The following ALK variants were observed in gnomAD, a reference collection of about 807,000 sequenced individuals.
The protein encoded by ALK is ALK receptor tyrosine kinase.
A neutral mutation model predicts 163.1 loss-of-function variants in ALK; 74 were observed. That is an observed-to-expected ratio of 0.45 (90% confidence interval 0.38 to 0.55). ALK has a LOEUF of 0.55. ALK is among the 20% of genes least tolerant of loss of function. The pLI, the probability that ALK is intolerant of heterozygous loss-of-function variation, is 0.00. For missense variants in ALK, 2,063 were observed against 2,105.3 expected, an observed-to-expected ratio of 0.98 and a Z score of 0.39; for synonymous variants, 960 against 843.2, an observed-to-expected ratio of 1.14 and a Z score of -2.40.
intron 1 of ALK, 96 bp from the exon 2 acceptor site, chr2:29,717,793 C>A (rs890669958): frequency 6.5e-7 from 1 of 1,534,246 alleles, no homozygotes; most frequent in Non-Finnish European, 9.0e-7. Flanking sequence ...TTATAAGGGG[C>A]TTTCATGACA....
intron 3 of ALK, among the ~76,000 whole-genome samples, chr2:29,678,212 T>A (rs975688120): frequency 1.1e-4 from 16 of 151,984 alleles, no homozygotes; most frequent in African/African-American, 3.9e-4. Context: ...TTAATCTGAA[T>A]AAAAGGTTTA....
At chr2:29,419,319 G>C (rs148553497) in intron 4 of ALK, among the ~76,000 whole-genome samples, 3 of 151,408 alleles carry the variant, frequency 2.0e-5, no homozygotes, top group Non-Finnish European at 4.4e-5. Context: ...TTCCCAAAGC[G>C]CTGGGATTAC....
intron 8 of ALK, among the ~76,000 whole-genome samples, chr2:29,300,118 A>C (rs1178102413): frequency 6.6e-6 from 1 of 152,194 alleles, no homozygotes; most frequent in East Asian, 1.9e-4. Context: ...GAGGAGAACC[A>C]TGTATAGGGG....
chr2:29,674,911 A>AT (rs1271989691), intron 3 of ALK, among the ~76,000 whole-genome samples: 13 of 122,408 alleles, frequency 1.1e-4, no homozygotes, highest in African/African-American at 4.1e-4. Context: ...GGGAGAGTGT[A>AT]TGTGTCGAGG....
intron 20 of ALK, 59 bp downstream of exon 20, chr2:29,223,283 A>G (rs2148170426): frequency 1.9e-6 from 3 of 1,586,674 alleles, no homozygotes; most frequent in Non-Finnish European, 2.6e-6. Flanking sequence ...CGGTGCTGTG[A>G]TAACATTCAG....
chr2:29,558,288 A>C (rs1256228971), intron 3 of ALK, among the ~76,000 whole-genome samples: 1 of 152,204 alleles, frequency 6.6e-6, no homozygotes, highest in East Asian at 1.9e-4. Context: ...TTCTGGTTTC[A>C]TGCTGATATA....
At chr2:29,850,265 G>A (rs545416398) in intron 1 of ALK, among the ~76,000 whole-genome samples, 3 of 152,292 alleles carry the variant, frequency 2.0e-5, no homozygotes, top group South Asian at 2.1e-4. Flanking sequence ...GTTAGAAGTC[G>A]GGACTGGTTC....
chr2:29,812,720 T>A (rs1290243134), intron 1 of ALK, among the ~76,000 whole-genome samples: 4 of 152,174 alleles, frequency 2.6e-5, no homozygotes, highest in African/African-American at 9.7e-5. Context: ...GAAGGTCACC[T>A]GTCCGGAGAC....
chr2:29,307,386 T>G (rs1413580186), intron 8 of ALK, among the ~76,000 whole-genome samples: 1 of 152,190 alleles, frequency 6.6e-6, no homozygotes, highest in Non-Finnish European at 1.5e-5. Flanking sequence ...GTATTTCACT[T>G]CAAGAGAAGG....
chr2:29,483,736 C>T (rs920265490), intron 4 of ALK, among the ~76,000 whole-genome samples: 2 of 151,840 alleles, frequency 1.3e-5, no homozygotes, highest in Non-Finnish European at 2.9e-5. Flanking sequence ...TAAGTTGAAC[C>T]CTCCCTGTGT....
At chr2:29,862,631 T>A (rs950900770) in intron 1 of ALK, among the ~76,000 whole-genome samples, 1 of 152,040 alleles carries the variant, frequency 6.6e-6, no homozygotes, top group African/African-American at 2.4e-5. Flanking sequence ...AAAACACAAA[T>A]AAATTTTAAA....
chr2:29,426,881 T>C (rs565838736), intron 4 of ALK, among the ~76,000 whole-genome samples: 1 of 151,388 alleles, frequency 6.6e-6, no homozygotes, highest in African/African-American at 2.4e-5. Flanking sequence ...CTACTAAAAA[T>C]ACAAAACTTA....
At chr2:29,630,183 C>A (rs1253346821) in intron 3 of ALK, among the ~76,000 whole-genome samples, 1 of 152,082 alleles carries the variant, frequency 6.6e-6, no homozygotes, top group African/African-American at 2.4e-5. Flanking sequence ...TGGAGAACAA[C>A]AGTCGTGGAT....
chr2:29,519,172 A>G (rs1672748042), intron 4 of ALK, among the ~76,000 whole-genome samples: 1 of 152,190 alleles, frequency 6.6e-6, no homozygotes, highest in South Asian at 2.1e-4. Context: ...AGCAAGTTCT[A>G]CCTGGGAGCT....
chr2:29,667,087 G>A (rs1405623778), intron 3 of ALK, among the ~76,000 whole-genome samples: 2 of 152,094 alleles, frequency 1.3e-5, no homozygotes, highest in Non-Finnish European at 2.9e-5. Context: ...ATCCATTGAT[G>A]GGCACTTAGG....
At chr2:29,850,922 C>G (rs72613833) in intron 1 of ALK, among the ~76,000 whole-genome samples, 42,826 of 152,184 alleles carry the variant, frequency 0.28, 6,835 homozygotes, top group East Asian at 0.54. Context: ...GGGACTTAAC[C>G]TGGAGATGCC....
chr2:29,790,578 C>A (rs1664163724), intron 1 of ALK, among the ~76,000 whole-genome samples: 1 of 152,056 alleles, frequency 6.6e-6, no homozygotes, highest in African/African-American at 2.4e-5. Context: ...GACATTGGAA[C>A]ACACACACAC....
chr2:29,540,142 T>C (rs1673373944), intron 3 of ALK, among the ~76,000 whole-genome samples: 1 of 152,174 alleles, frequency 6.6e-6, no homozygotes, highest in Non-Finnish European at 1.5e-5. Context: ...GAATTTAGAT[T>C]GGCTTTATTG....
intron 11 of ALK, among the ~76,000 whole-genome samples, chr2:29,268,137 G>A (rs1294160051): frequency 6.6e-6 from 1 of 152,216 alleles, no homozygotes; most frequent in Non-Finnish European, 1.5e-5. Flanking sequence ...TTTGTCAGCA[G>A]CTTTGCCATA....
Sources: gnomAD v4.1 joint callset for allele counts (sites outside exome capture counted in the v4.1 genomes callset) on GRCh38, gnomAD v4.1.1 for gene constraint, MANE v1.5 for transcripts, NCBI Gene and HGNC (gene_info 2026-07-23, HGNC 2026-07-21) for gene names.